The following C1QTNF3 variants were observed in gnomAD, a reference collection of about 807,000 sequenced individuals.
C1QTNF3 encodes the protein complement C1q tumor necrosis factor-related protein 3.
C1QTNF3 carries 26 observed loss-of-function variants against 32.6 expected under a neutral mutation model. That is an observed-to-expected ratio of 0.80 (90% CI 0.58 to 1.11). C1QTNF3 has a LOEUF of 1.11. Among genes scored for constraint, C1QTNF3 ranks in the 50% least tolerant of loss-of-function variants. The pLI is 0.00. For missense variants in C1QTNF3, 362 were observed against 398.2 expected, an observed-to-expected ratio of 0.91 and a Z score of 0.77; for synonymous variants, 155 against 146.0, an observed-to-expected ratio of 1.06 and a Z score of -0.44.
chr5:34,224,510 T>G, the C1QTNF3 span, among the ~76,000 whole-genome samples: 3 of 152,120 alleles, frequency 2.0e-5, no homozygotes, highest in Admixed American at 6.6e-5. Flanking sequence ...TATCTACAAC[T>G]ATCTCATCTT....
the C1QTNF3 span, among the ~76,000 whole-genome samples, chr5:34,068,927 T>C: frequency 2.0e-5 from 3 of 152,102 alleles, no homozygotes; most frequent in Admixed American, 6.6e-5. Context: ...TTGCCGAACA[T>C]GTAAGTTAAG....
the C1QTNF3 span, among the ~76,000 whole-genome samples, chr5:34,056,473 T>C: frequency 0.012 from 1,247 of 106,972 alleles, 31 homozygotes; most frequent in South Asian, 0.018. Flanking sequence ...TATATATATA[T>C]ATATATAGAG....
the C1QTNF3 span, among the ~76,000 whole-genome samples, chr5:34,050,166 G>A: frequency 6.6e-6 from 1 of 152,148 alleles, no homozygotes; most frequent in Admixed American, 6.5e-5. Flanking sequence ...AAGCTGCAGA[G>A]ATCACCTCAT....
At chr5:34,143,465 C>T in the C1QTNF3 span, among the ~76,000 whole-genome samples, 1 of 152,046 alleles carries the variant, frequency 6.6e-6, no homozygotes, top group Non-Finnish European at 1.5e-5. Flanking sequence ...CAACCATCCC[C>T]AAGGCTCAAA....
At chr5:34,171,693 T>C in the C1QTNF3 span, among the ~76,000 whole-genome samples, 1 of 152,160 alleles carries the variant, frequency 6.6e-6, no homozygotes, top group South Asian at 2.1e-4. Context: ...TCTATTCAAA[T>C]GACATTGGTC....
the C1QTNF3 span, among the ~76,000 whole-genome samples, chr5:34,169,731 A>G: frequency 6.6e-6 from 1 of 152,136 alleles, no homozygotes; most frequent in African/African-American, 2.4e-5. Flanking sequence ...TAATATCAAA[A>G]TGATATTACC....
the C1QTNF3 span, among the ~76,000 whole-genome samples, chr5:34,085,059 C>T: frequency 7.3e-6 from 1 of 136,970 alleles, no homozygotes; most frequent in Admixed American, 7.5e-5. Context: ...GGTGCAATCT[C>T]GGCTCACTGC....
At chr5:34,176,856 C>CATGA in the C1QTNF3 span, among the ~76,000 whole-genome samples, 5,117 of 148,186 alleles carry the variant, frequency 0.035, 99 homozygotes, top group South Asian at 0.07. Context: ...GACCCTATCT[C>CATGA]ATGAATGAAT....
At chr5:34,225,322 C>T in the C1QTNF3 span, among the ~76,000 whole-genome samples, 1 of 151,952 alleles carries the variant, frequency 6.6e-6, no homozygotes, top group Non-Finnish European at 1.5e-5. Flanking sequence ...AGAATCTGCA[C>T]TAACATTGTT....
intron 5 of C1QTNF3, among the ~76,000 whole-genome samples, chr5:34,022,256 T>C (rs840381): frequency 0.39 from 59,021 of 152,080 alleles, 11,854 homozygotes; most frequent in South Asian, 0.65. Flanking sequence ...GGAAATGGGT[T>C]TGCCAGAGAC....
chr5:34,108,007 G>A, the C1QTNF3 span, among the ~76,000 whole-genome samples: 76 of 151,976 alleles, frequency 5.0e-4, no homozygotes, highest in African/African-American at 1.6e-3. Context: ...AGGCCAATGC[G>A]AACCTACATT....
the C1QTNF3 span, among the ~76,000 whole-genome samples, chr5:34,155,858 AAAG>A: frequency 4.6e-5 from 7 of 152,140 alleles, no homozygotes; most frequent in East Asian, 3.9e-4. Context: ...AGAAGAGATA[AAAG>A]AAGGGATGAG....
chr5:34,132,137 A>T, the C1QTNF3 span, among the ~76,000 whole-genome samples: 1 of 152,124 alleles, frequency 6.6e-6, no homozygotes, highest in East Asian at 1.9e-4. Context: ...CTGTAATCCC[A>T]GCACTTTGGG....
At chr5:34,177,577 C>T in the C1QTNF3 span, among the ~76,000 whole-genome samples, 1 of 150,402 alleles carries the variant, frequency 6.6e-6, no homozygotes, top group African/African-American at 2.4e-5. Flanking sequence ...ACCTCCACCT[C>T]CCCAGTTCAA....
the C1QTNF3 span, among the ~76,000 whole-genome samples, chr5:34,142,467 G>T: frequency 6.6e-6 from 1 of 151,462 alleles, no homozygotes; most frequent in African/African-American, 2.4e-5. Context: ...AGACACAGAG[G>T]CACAGTGCCA....
At chr5:34,095,218 A>G in the C1QTNF3 span, among the ~76,000 whole-genome samples, 1 of 151,930 alleles carries the variant, frequency 6.6e-6, no homozygotes, top group African/African-American at 2.4e-5. Context: ...GTACCCTTTA[A>G]CCAACTTCTC....
At chr5:34,020,860 T>A in intron 5 of C1QTNF3, 118 bp from the exon 6 acceptor site, 1 of 1,055,282 alleles carries the variant, frequency 9.5e-7, no homozygotes, top group Non-Finnish European at 1.4e-6. Flanking sequence ...CTAAGTTCTC[T>A]AAACAGCCTG....
chr5:34,164,960 G>GT, the C1QTNF3 span: 48 of 152,000 alleles, frequency 3.2e-4, no homozygotes, highest in African/African-American at 9.6e-4. Flanking sequence ...CTATATCACA[G>GT]TTAAAATTAT....
At chr5:34,083,071 C>T in the C1QTNF3 span, among the ~76,000 whole-genome samples, 1 of 150,996 alleles carries the variant, frequency 6.6e-6, no homozygotes, top group Non-Finnish European at 1.5e-5. Flanking sequence ...CAAATTCATG[C>T]CTGTATGGCT....
Sources: gnomAD v4.1 joint callset for allele counts (sites outside exome capture counted in the v4.1 genomes callset) on GRCh38, gnomAD v4.1.1 for gene constraint, MANE v1.5 for transcripts, NCBI Gene and HGNC (gene_info 2026-07-23, HGNC 2026-07-21) for gene names.